The following DEPTOR variants were observed in gnomAD, a reference collection of about 807,000 sequenced individuals.
DEPTOR encodes DEP domain containing MTOR interacting protein.
DEPTOR carries 41 observed loss-of-function variants against 41.6 expected under a neutral mutation model. The ratio of observed to expected loss-of-function variants is 0.98; its 90% CI spans 0.77 to 1.28. The LOEUF (loss-of-function observed/expected upper bound fraction) is 1.28, where lower values mean the gene tolerates loss of function less well. Ranked by LOEUF, DEPTOR falls within the 50% of genes most tolerant of loss-of-function variation. DEPTOR has a pLI of 0.00. For synonymous variants in DEPTOR, 195 were observed against 192.3 expected, an observed-to-expected ratio of 1.01 and a Z score of -0.12; for missense variants, 514 against 527.9, an observed-to-expected ratio of 0.97 and a Z score of 0.26.
intron 1 of DEPTOR, among the ~76,000 whole-genome samples, chr8:119,898,065 T>C (rs1261481522): frequency 3.9e-5 from 6 of 152,236 alleles, no homozygotes; most frequent in Non-Finnish European, 8.8e-5. Context: ...GCAACAACTA[T>C]GGCTACCTGT....
chr8:120,014,327 A>T (rs1332309169), intron 8 of DEPTOR, among the ~76,000 whole-genome samples: 1 of 152,130 alleles, frequency 6.6e-6, no homozygotes, highest in South Asian at 2.1e-4. Flanking sequence ...CAAAGGGGAA[A>T]GGAGCAAACG....
intron 8 of DEPTOR, among the ~76,000 whole-genome samples, chr8:120,024,362 T>C (rs1812767484): frequency 1.3e-5 from 2 of 152,106 alleles, no homozygotes; most frequent in African/African-American, 2.4e-5. Flanking sequence ...ATCTGGGAAA[T>C]GTAGAATTTA....
At chr8:119,931,419 C>T (rs994892015) in intron 3 of DEPTOR, among the ~76,000 whole-genome samples, 5 of 152,102 alleles carry the variant, frequency 3.3e-5, no homozygotes, top group Admixed American at 3.3e-4. Context: ...TAGAACCTAC[C>T]TCCTAGTGCT....
At chr8:120,038,974 T>C (rs981325619) in intron 8 of DEPTOR, among the ~76,000 whole-genome samples, 1 of 152,256 alleles carries the variant, frequency 6.6e-6, no homozygotes, top group African/African-American at 2.4e-5. Context: ...CTGCCCATGC[T>C]GACTGGCAAG....
At chr8:119,918,470 AT>A (rs1275553017) in intron 1 of DEPTOR, among the ~76,000 whole-genome samples, 4 of 151,546 alleles carry the variant, frequency 2.6e-5, no homozygotes, top group African/African-American at 9.7e-5. Flanking sequence ...TTATTTATTT[AT>A]TTATTTAGAG....
intron 3 of DEPTOR, among the ~76,000 whole-genome samples, chr8:119,949,799 C>G (rs187775630): frequency 1.3e-5 from 2 of 152,126 alleles, no homozygotes; most frequent in Non-Finnish European, 2.9e-5. Context: ...CCTGCCTCAG[C>G]CTCCTGAGTA....
At chr8:120,013,661 G>A (rs1256392326) in intron 8 of DEPTOR, among the ~76,000 whole-genome samples, 1 of 152,154 alleles carries the variant, frequency 6.6e-6, no homozygotes, top group African/African-American at 2.4e-5. Flanking sequence ...ATCTCTGACT[G>A]TCCAGAGCTG....
chr8:120,034,434 T>A (rs1812942965), intron 8 of DEPTOR, among the ~76,000 whole-genome samples: 1 of 140,610 alleles, frequency 7.1e-6, no homozygotes, highest in South Asian at 2.2e-4. Flanking sequence ...TTTCTTTTTT[T>A]TCCTTTTTCT....
chr8:119,913,757 A>G (rs1443361544), intron 1 of DEPTOR, among the ~76,000 whole-genome samples: 1 of 152,130 alleles, frequency 6.6e-6, no homozygotes, highest in African/African-American at 2.4e-5. Context: ...TCCCCAGGCC[A>G]TGTTACCTAA....
chr8:119,885,950 A>T (rs903144996), intron 1 of DEPTOR, among the ~76,000 whole-genome samples: 2 of 150,894 alleles, frequency 1.3e-5, no homozygotes, highest in African/African-American at 4.9e-5. Flanking sequence ...ACTAGTATTC[A>T]CTCTTTGCTT....
At chr8:119,914,858 C>A (rs930178523) in intron 1 of DEPTOR, among the ~76,000 whole-genome samples, 2 of 152,246 alleles carry the variant, frequency 1.3e-5, no homozygotes, top group Non-Finnish European at 2.9e-5. Context: ...CTAACACAGT[C>A]TATTTGTGAG....
chr8:119,931,278 G>T (rs1479622433), intron 3 of DEPTOR, among the ~76,000 whole-genome samples: 1 of 152,096 alleles, frequency 6.6e-6, no homozygotes, highest in African/African-American at 2.4e-5. Flanking sequence ...TGGGGGTAAG[G>T]GTCTGGGTGG....
chr8:120,036,447 A>G (rs1812980554), intron 8 of DEPTOR, among the ~76,000 whole-genome samples: 1 of 152,174 alleles, frequency 6.6e-6, no homozygotes. Flanking sequence ...TTGTCCAAGA[A>G]CTGGATCCCT....
chr8:119,974,756 A>T (rs2129999171), intron 4 of DEPTOR, among the ~76,000 whole-genome samples: 1 of 151,838 alleles, frequency 6.6e-6, no homozygotes, highest in Non-Finnish European at 1.5e-5. Flanking sequence ...TGGGCGACAG[A>T]GCAAGACTCT....
rs1362853685 is a variant in DEPTOR, at chr8:120,003,022, G to A, written c.836G>A (p.Ser279Asn). 1 of 1,604,674 alleles carries A rather than the reference G, an allele frequency of 6.2e-7. No individual in the cohort carries two copies. Among genetic ancestry groups the A allele is most frequent in the Non-Finnish European group, 8.5e-7 (1 of 1,175,976 alleles). The change falls in exon 6 of 9, where the codon AGC (serine) becomes AAC (asparagine). Residue 279 changes from serine to asparagine, a missense_variant. Ser to Asn is a conservative substitution (Grantham distance 46). Transcript: ENST00000286234. ...AAGATCGTGTCTGCAGTGAGGAGAA[G>A]CAGCATGAGCAGCTGTGGCAGCAGC... is the stretch of plus-strand genomic sequence containing the variant. ...EIKIVSAVRR[S>N]SMSSCGSSGY... is the part of the protein sequence containing the mutation.
chr8:120,033,569 C>T (rs1354847818), intron 8 of DEPTOR, among the ~76,000 whole-genome samples: 2 of 152,214 alleles, frequency 1.3e-5, no homozygotes, highest in East Asian at 3.9e-4. Flanking sequence ...TGATCCTCAG[C>T]TTTCCATCAG....
intron 1 of DEPTOR, among the ~76,000 whole-genome samples, chr8:119,919,471 A>G (rs1827863662): frequency 6.6e-6 from 1 of 152,210 alleles, no homozygotes; most frequent in East Asian, 1.9e-4. Flanking sequence ...CTGTGAGGAT[A>G]TATTATTTTG....
At chr8:119,889,554 A>G (rs1827419268) in intron 1 of DEPTOR, among the ~76,000 whole-genome samples, 1 of 77,146 alleles carries the variant, frequency 1.3e-5, no homozygotes, top group South Asian at 4.3e-4. Context: ...CTCAGAAAGG[A>G]AAAAGAGGAG....
At chr8:119,976,607 C>T (rs886758946) in intron 4 of DEPTOR, among the ~76,000 whole-genome samples, 1 of 152,166 alleles carries the variant, frequency 6.6e-6, no homozygotes. Flanking sequence ...AGAAGAGAAA[C>T]TGAAGCAACT....
Sources: gnomAD v4.1 joint callset for allele counts (sites outside exome capture counted in the v4.1 genomes callset) on GRCh38, gnomAD v4.1.1 for gene constraint, MANE v1.5 for transcripts, NCBI Gene and HGNC (gene_info 2026-07-23, HGNC 2026-07-21) for gene names.